The following DOK6 variants were observed in gnomAD, a reference collection of about 807,000 sequenced individuals.
DOK6 encodes downstream of tyrosine kinase 6.
DOK6 carries 22 observed loss-of-function variants against 44.0 expected under a neutral mutation model. The ratio of observed to expected loss-of-function variants is 0.50; its 90% confidence interval spans 0.36 to 0.71. The LOEUF is 0.71. Ranked by LOEUF, DOK6 falls within the 30% of genes least tolerant of loss-of-function variation. The probability of loss-of-function intolerance (pLI) is 0.00; values close to 1 mark genes in which losing one functional copy is unlikely to be tolerated. For missense variants in DOK6, 340 were observed against 416.4 expected, an observed-to-expected ratio of 0.82 and a Z score of 1.60; for synonymous variants, 166 against 145.5, an observed-to-expected ratio of 1.14 and a Z score of -1.01.
At chr18:69,434,129 T>C (rs1042038746) in intron 1 of DOK6, among the ~76,000 whole-genome samples, 3 of 152,166 alleles carry the variant, frequency 2.0e-5, no homozygotes, top group Non-Finnish European at 4.4e-5. Context: ...GTGAAAGCAA[T>C]GAAAGTGTCT....
At chr18:69,679,220 T>G (rs1042194075) in intron 4 of DOK6, among the ~76,000 whole-genome samples, 2 of 152,110 alleles carry the variant, frequency 1.3e-5, no homozygotes, top group African/African-American at 4.8e-5. Context: ...CTGTGGGTCA[T>G]AAACTAAATA....
chr18:69,580,944 T>C (rs1983355092), intron 2 of DOK6, among the ~76,000 whole-genome samples: 1 of 152,214 alleles, frequency 6.6e-6, no homozygotes, highest in Non-Finnish European at 1.5e-5. Context: ...TTTCTGTACC[T>C]ATCTTATTTC....
At chr18:69,613,601 A>C (rs1984215156) in intron 3 of DOK6, among the ~76,000 whole-genome samples, 1 of 152,186 alleles carries the variant, frequency 6.6e-6, no homozygotes, top group African/African-American at 2.4e-5. Context: ...GATCCAAAAA[A>C]ATAGATGAAG....
chr18:69,751,628 TAAAAATG>T (rs970356755), intron 6 of DOK6, among the ~76,000 whole-genome samples: 6 of 152,130 alleles, frequency 3.9e-5, no homozygotes, highest in Non-Finnish European at 8.8e-5. Flanking sequence ...CCATATTAGT[TAAAAATG>T]AAAAATAAAT....
chr18:69,765,963 C>T (rs149363730), intron 7 of DOK6, among the ~76,000 whole-genome samples: 104 of 152,160 alleles, frequency 6.8e-4, no homozygotes, highest in African/African-American at 2.3e-3. Flanking sequence ...GTGCCTACCC[C>T]ACCCCTGCAC....
chr18:69,696,856 A>G (rs74974637), intron 4 of DOK6, among the ~76,000 whole-genome samples: 1,650 of 152,292 alleles, frequency 0.011, 25 homozygotes, highest in African/African-American at 0.037. Context: ...ATTTTAAGCT[A>G]TTGGGAATAT....
At chr18:69,652,852 T>C (rs536249784) in intron 3 of DOK6, among the ~76,000 whole-genome samples, 45 of 152,224 alleles carry the variant, frequency 3.0e-4, no homozygotes, top group African/African-American at 1.1e-3. Context: ...GAAAAAAGCA[T>C]AGAGATGATT....
At chr18:69,699,690 A>C (rs1460289481) in intron 5 of DOK6, among the ~76,000 whole-genome samples, 1 of 152,194 alleles carries the variant, frequency 6.6e-6, no homozygotes, top group Admixed American at 6.5e-5. Flanking sequence ...GGGAAATACA[A>C]ATTCTAATAA....
chr18:69,822,153 C>T (rs1981591491), intron 7 of DOK6, among the ~76,000 whole-genome samples: 5 of 152,176 alleles, frequency 3.3e-5, no homozygotes, highest in Admixed American at 3.3e-4. Context: ...GGCACTGAAA[C>T]TTAGCAGAGT....
At position 69,539,310 on chromosome 18, in the gene DOK6, T is replaced by C. The variant is rs185486080; in HGVS notation, c.67-25177T>C. 1.6e-4 allele frequency among the ~76,000 whole-genome samples: 25 copies of C among 152,328 alleles called. No homozygotes were observed. The East Asian group carries it at 4.8e-3, about 29-fold the overall frequency. On this transcript the variant is annotated intron_variant, in intron 1 of 7. Coordinates refer to ENST00000382713, the MANE Select transcript of DOK6 (RefSeq NM_152721.6). ...AGCACATGATTCGTGAATTGCGAAG[T>C]TTGTCTCCTTTCATTTTGGTAGATT...
At chr18:69,485,512 T>C (rs1284803596) in intron 1 of DOK6, among the ~76,000 whole-genome samples, 1 of 152,114 alleles carries the variant, frequency 6.6e-6, no homozygotes, top group Non-Finnish European at 1.5e-5. Context: ...ATCCTGCAGT[T>C]GAATCCCCTA....
chr18:69,519,052 A>G (rs1173203571), intron 1 of DOK6, among the ~76,000 whole-genome samples: 1 of 152,114 alleles, frequency 6.6e-6, no homozygotes, highest in East Asian at 1.9e-4. Context: ...AATTACCAAC[A>G]GCATATTGTA....
intron 1 of DOK6, among the ~76,000 whole-genome samples, chr18:69,404,788 TGTGTG>T (rs1485856118): frequency 9.1e-5 from 2 of 22,082 alleles, no homozygotes; most frequent in East Asian, 7.3e-4. Context: ...GATAGGGTGG[TGTGTG>T]TGTGTGTGTG....
intron 3 of DOK6, among the ~76,000 whole-genome samples, chr18:69,645,893 A>C (rs2144658120): frequency 6.6e-6 from 1 of 152,248 alleles, no homozygotes; most frequent in African/African-American, 2.4e-5. Flanking sequence ...GACCCTTAAT[A>C]ATTCTTTTGT....
intron 2 of DOK6, among the ~76,000 whole-genome samples, chr18:69,597,417 G>T (rs192690150): frequency 6.6e-6 from 1 of 152,220 alleles, no homozygotes; most frequent in Non-Finnish European, 1.5e-5. Flanking sequence ...TCGTTTTATT[G>T]TTGCTCTTTA....
At chr18:69,635,210 A>T (rs1035763336) in intron 3 of DOK6, among the ~76,000 whole-genome samples, 2 of 152,044 alleles carry the variant, frequency 1.3e-5, no homozygotes, top group Non-Finnish European at 2.9e-5. Context: ...AAGTGTAGGG[A>T]TGTTAACGAG....
At chr18:69,740,276 T>A (rs971724494) in intron 6 of DOK6, among the ~76,000 whole-genome samples, 1 of 152,218 alleles carries the variant, frequency 6.6e-6, no homozygotes, top group African/African-American at 2.4e-5. Context: ...CTTTAAACCA[T>A]TGTAACAATT....
intron 3 of DOK6, among the ~76,000 whole-genome samples, chr18:69,628,242 AT>A (rs1170549238): frequency 6.6e-6 from 1 of 152,084 alleles, no homozygotes; most frequent in Non-Finnish European, 1.5e-5. Context: ...TAATCTCAGC[AT>A]TTTTTGGGAG....
At chr18:69,570,564 A>T (rs1346098848) in intron 2 of DOK6, among the ~76,000 whole-genome samples, 2 of 152,178 alleles carry the variant, frequency 1.3e-5, no homozygotes, top group African/African-American at 4.8e-5. Context: ...TTGTTGAAAG[A>T]CATGAATTTA....
Sources: gnomAD v4.1 joint callset for allele counts (sites outside exome capture counted in the v4.1 genomes callset) on GRCh38, gnomAD v4.1.1 for gene constraint, MANE v1.5 for transcripts, NCBI Gene and HGNC (gene_info 2026-07-23, HGNC 2026-07-21) for gene names.